The following UBE4B variants were observed in gnomAD, a reference collection of about 807,000 sequenced individuals.
UBE4B encodes the protein ubiquitin conjugation factor E4 B.
UBE4B carries 27 observed loss-of-function variants against 148.1 expected under a neutral mutation model. That is an observed-to-expected ratio of 0.18 (90% CI 0.13 to 0.25). UBE4B has a LOEUF of 0.25. Ranked by LOEUF, UBE4B falls within the 10% of genes least tolerant of loss-of-function variation. The pLI is 1.00. For missense variants in UBE4B, 1,170 were observed against 1,662.4 expected, an observed-to-expected ratio of 0.70 and a Z score of 5.15; for synonymous variants, 596 against 619.3, an observed-to-expected ratio of 0.96 and a Z score of 0.56.
intron 2 of UBE4B, among the ~76,000 whole-genome samples, chr1:10,077,533 C>A (rs1222094907): frequency 6.6e-6 from 1 of 152,230 alleles, no homozygotes; most frequent in African/African-American, 2.4e-5. Context: ...CATCCCCTTA[C>A]CCCCAGCACC....
At chr1:10,128,461 C>T (rs1354309310) in intron 11 of UBE4B, 2 of 152,336 alleles carry the variant, frequency 1.3e-5, no homozygotes, top group African/African-American at 2.4e-5. Flanking sequence ...CTGTGCCATA[C>T]GTTGGAATCA....
intron 2 of UBE4B, among the ~76,000 whole-genome samples, chr1:10,086,791 G>A (rs948652633): frequency 6.6e-6 from 1 of 151,972 alleles, no homozygotes; most frequent in African/African-American, 2.4e-5. Context: ...CCAGGTTCAA[G>A]CAATTCTCGT....
At chr1:10,070,129 G>A (rs1051711983) in intron 1 of UBE4B, among the ~76,000 whole-genome samples, 2 of 151,706 alleles carry the variant, frequency 1.3e-5, no homozygotes, top group African/African-American at 4.8e-5. Context: ...TAAAAATTAG[G>A]TGGGTGTGGT....
chr1:10,169,067 A>C (rs75821776), intron 24 of UBE4B, among the ~76,000 whole-genome samples: 2,199 of 152,198 alleles, frequency 0.014, 26 homozygotes, highest in East Asian at 0.031. Context: ...TTTATGGTGG[A>C]TTGCAAATAG....
chr1:10,123,519 T>A (rs554777835), intron 10 of UBE4B, among the ~76,000 whole-genome samples: 1 of 152,048 alleles, frequency 6.6e-6, no homozygotes, highest in South Asian at 2.1e-4. Context: ...ATTAGAATAC[T>A]TTTCCTATTC....
intron 10 of UBE4B, among the ~76,000 whole-genome samples, chr1:10,123,259 G>A (rs1036870278): frequency 2.0e-5 from 3 of 151,534 alleles, no homozygotes; most frequent in African/African-American, 7.3e-5. Context: ...GGTGAAACCC[G>A]GTCTCTACTA....
intron 21 of UBE4B, among the ~76,000 whole-genome samples, chr1:10,156,285 G>A (rs1428543890): frequency 4.3e-5 from 6 of 138,706 alleles, no homozygotes; most frequent in South Asian, 2.2e-4. Context: ...TGTCACCCAC[G>A]CTAGAGTGTA....
chr1:10,041,777 A>G (rs1327607735), intron 1 of UBE4B, among the ~76,000 whole-genome samples: 2 of 151,654 alleles, frequency 1.3e-5, no homozygotes, highest in South Asian at 2.1e-4. Flanking sequence ...GCTCACTGCA[A>G]CCTCCGCCTC....
At chr1:10,037,240 T>A (rs1170725298) in intron 1 of UBE4B, among the ~76,000 whole-genome samples, 1 of 152,204 alleles carries the variant, frequency 6.6e-6, no homozygotes, top group Non-Finnish European at 1.5e-5. Flanking sequence ...TTGGTCAGGC[T>A]GGTCTTGAAC....
Position 10,060,430 on chromosome 1 carries a change from A to G in UBE4B, c.25-11598A>G, listed in dbSNP as rs1055361334. Among the ~76,000 whole-genome samples, 32 of 152,218 alleles carry G rather than the reference A, an allele frequency of 2.1e-4. 1 individual carries two copies. Among genetic ancestry groups the G allele is most frequent in the African/African-American group, 7.5e-4 (31 of 41,538 alleles). On this transcript the variant is annotated intron_variant, in intron 1 of 27. Transcript: ENST00000343090. ...AGAAAAGGAACAGTAAAAATATGGTATTATAATCTTACCGGACCACCAGTA... is the reference window on the plus strand; with the variant it reads ...AGAAAAGGAACAGTAAAAATATGGTGTTATAATCTTACCGGACCACCAGTA...
rs1038592724 is a variant in UBE4B, at chr1:10,112,645, C to T, written c.1197-4814C>T. On this transcript the variant is annotated intron_variant, in intron 7 of 27. Coordinates refer to ENST00000343090, the MANE Select transcript of UBE4B (RefSeq NM_001105562.3). ...GCACGCCTGACCTCAAGTGATCTGC[C>T]CCCCTCAGCCTCCCAAAGTGTAGAA... Among the ~76,000 whole-genome samples, 7 of 152,242 alleles carry T rather than the reference C, an allele frequency of 4.6e-5. No individual in the cohort carries two copies. The South Asian group carries it at 6.2e-4, about 14-fold the overall frequency.
At chr1:10,125,190 A>G (rs557660791) in intron 10 of UBE4B, among the ~76,000 whole-genome samples, 1 of 152,264 alleles carries the variant, frequency 6.6e-6, no homozygotes, top group African/African-American at 2.4e-5. Flanking sequence ...AATGCACAAA[A>G]GGATAACTAT....
intron 1 of UBE4B, among the ~76,000 whole-genome samples, chr1:10,044,537 CCCTTCCTTCCTTACTCTT>C: frequency 6.6e-6 from 1 of 151,930 alleles, no homozygotes; most frequent in East Asian, 1.9e-4. Context: ...TCCTTCCTTA[CCCTTCCTTCCTTACTCTT>C]CCTTCCTTCC....
chr1:10,130,096 CAG>C (rs1248421844), intron 12 of UBE4B, among the ~76,000 whole-genome samples: 4 of 151,482 alleles, frequency 2.6e-5, no homozygotes, highest in African/African-American at 9.7e-5. Flanking sequence ...TTTTTTGAGA[CAG>C]AGTCTCACTC....
intron 4 of UBE4B, 74 bp downstream of exon 4, chr1:10,101,269 G>A: frequency 6.8e-7 from 1 of 1,466,898 alleles, no homozygotes; most frequent in South Asian, 1.2e-5. Flanking sequence ...TGTAGAGTCT[G>A]TTAGATTGGG....
chr1:10,057,909 G>A (rs1399536454), intron 1 of UBE4B, among the ~76,000 whole-genome samples: 1 of 152,144 alleles, frequency 6.6e-6, no homozygotes, highest in African/African-American at 2.4e-5. Flanking sequence ...AAGCAAGCAT[G>A]GGAGGCAGTG....
rs192189455 is a variant in UBE4B, at chr1:10,093,984, C to T, written c.212-1477C>T. Among the ~76,000 whole-genome samples, 12 of 152,216 alleles carry T rather than the reference C, an allele frequency of 7.9e-5. No individual in the cohort carries two copies. The South Asian group carries it at 1.7e-3, about 21-fold the overall frequency. ...TGCTGAGATTACAGGCGTGAGCCAT[C>T]GTGCCCAGCCAATGGTTTTTTTAAA... On this transcript the variant is annotated intron_variant, in intron 2 of 27. Transcript: ENST00000343090.
At chr1:10,137,249 C>T (rs945858777) in intron 17 of UBE4B, 44 bp downstream of exon 17, 8 of 1,611,450 alleles carry the variant, frequency 5.0e-6, no homozygotes, top group Non-Finnish European at 8.5e-7. Flanking sequence ...TGAGTTACCA[C>T]TTTTTCTCAG....
At chr1:10,115,951 A>G (rs948394414) in intron 7 of UBE4B, among the ~76,000 whole-genome samples, 2 of 152,366 alleles carry the variant, frequency 1.3e-5, no homozygotes, top group South Asian at 4.1e-4. Context: ...CCACTAGGGT[A>G]TATTTGGTCC....
Sources: allele counts gnomAD v4.1 joint callset (sites outside exome capture counted in the v4.1 genomes callset), GRCh38; gene constraint gnomAD v4.1.1; transcripts MANE v1.5; gene names NCBI Gene and HGNC (gene_info 2026-07-23, HGNC 2026-07-21).